NR6A1: variants seen among roughly 807,000 people sequenced by gnomAD.
NR6A1 encodes the protein retinoic acid receptor-related testis-associated receptor.
NR6A1 carries 7 observed loss-of-function variants against 59.1 expected under a neutral mutation model. The observed-to-expected ratio is 0.12, with a 90% CI of 0.07 to 0.22. NR6A1 has a LOEUF of 0.22. Among genes scored for constraint, NR6A1 ranks in the 10% least tolerant of loss-of-function variants. The pLI is 1.00. For synonymous variants in NR6A1, 243 were observed against 236.1 expected (o/e 1.03, Z -0.27); for missense variants, 468 against 611.6 (o/e 0.77, Z 2.48).
intron 2 of NR6A1, among the ~76,000 whole-genome samples, chr9:124,647,044 A>T (rs931610988): frequency 6.6e-6 from 1 of 152,166 alleles, no homozygotes; most frequent in Non-Finnish European, 1.5e-5. Context: ...TCTTCCCAGT[A>T]GCTAGGACTA....
chr9:124,615,632 T>A (rs1327326166), intron 2 of NR6A1, among the ~76,000 whole-genome samples: 2 of 152,042 alleles, frequency 1.3e-5, no homozygotes, highest in East Asian at 3.8e-4. Flanking sequence ...GCCTTTTTTT[T>A]TTTCCCAGAA....
chr9:124,683,726 G>A lies in NR6A1; in HGVS notation c.142+49582C>T, dbSNP rs555695164. 5.8e-4 allele frequency among the ~76,000 whole-genome samples: 89 copies of A among 152,306 alleles called. No homozygotes were observed. The South Asian group carries it at 0.016, about 27-fold the overall frequency. On this transcript the variant is annotated intron_variant, in intron 2 of 9. Transcript: ENST00000487099. ...GAGAATCACTTGAACCCAGGAGGTGGAGGTTGCAGTGAGCCAAGATCGCAC... is the reference window on the plus strand; with the variant it reads ...GAGAATCACTTGAACCCAGGAGGTGAAGGTTGCAGTGAGCCAAGATCGCAC...
At position 124,659,148 on chromosome 9, in the gene NR6A1, C is replaced by T. The variant is rs537023231; in HGVS notation, c.142+74160G>A. Among the ~76,000 whole-genome samples, 300 of 152,208 alleles carry T rather than the reference C, an allele frequency of 2.0e-3. 1 individual carries two copies. The highest frequency in any genetic ancestry group is 3.5e-3 in the Non-Finnish European group (240 of 68,034). ...GGCCAAACACTTGTGCCGCCTGGGG[C>T]GGTGGGGGTAGAGGCAAGCATAGAC... On this transcript the variant is annotated intron_variant, in intron 2 of 9. Transcript: ENST00000487099.
intron 2 of NR6A1, among the ~76,000 whole-genome samples, chr9:124,683,318 T>C (rs539401063): frequency 5.3e-5 from 8 of 152,346 alleles, no homozygotes; most frequent in African/African-American, 1.2e-4. Context: ...ACTTCAATTT[T>C]ATGTTCTTTC....
At chr9:124,740,309 T>C (rs1030875428) in intron 1 of NR6A1, among the ~76,000 whole-genome samples, 2 of 152,218 alleles carry the variant, frequency 1.3e-5, no homozygotes, top group African/African-American at 4.8e-5. Flanking sequence ...GCTGAAACTA[T>C]AGTTTTTCAG....
At chr9:124,741,492 A>C (rs190414112) in intron 1 of NR6A1, among the ~76,000 whole-genome samples, 1 of 152,360 alleles carries the variant, frequency 6.6e-6, no homozygotes, top group Non-Finnish European at 1.5e-5. Flanking sequence ...GAGAATTAAT[A>C]GTCTCTAGGA....
intron 2 of NR6A1, among the ~76,000 whole-genome samples, chr9:124,729,890 G>A (rs905945347): frequency 2.0e-5 from 3 of 149,386 alleles, no homozygotes; most frequent in Non-Finnish European, 3.0e-5. Flanking sequence ...TCGGCTTACC[G>A]CAACCTCCAC....
At chr9:124,664,139 T>C (rs1450677399) in intron 2 of NR6A1, among the ~76,000 whole-genome samples, 1 of 152,216 alleles carries the variant, frequency 6.6e-6, no homozygotes, top group Non-Finnish European at 1.5e-5. Context: ...CTACTACATC[T>C]GTGGATTCAT....
chr9:124,529,104 G>A (rs566398468), intron 7 of NR6A1, among the ~76,000 whole-genome samples: 78 of 152,270 alleles, frequency 5.1e-4, no homozygotes, highest in African/African-American at 1.8e-3. Flanking sequence ...GGCTGACTCA[G>A]TTTCTCTCTA....
At chr9:124,645,022 C>T (rs1836891541) in intron 2 of NR6A1, among the ~76,000 whole-genome samples, 1 of 152,186 alleles carries the variant, frequency 6.6e-6, no homozygotes, top group Non-Finnish European at 1.5e-5. Context: ...CGTACAACAT[C>T]AAGTGCAAAT....
intron 2 of NR6A1, among the ~76,000 whole-genome samples, chr9:124,583,378 G>A (rs528716309): frequency 1.3e-5 from 2 of 152,266 alleles, no homozygotes; most frequent in African/African-American, 2.4e-5. Context: ...TTTGTAACAA[G>A]GTTAAGTAAG....
intron 2 of NR6A1, among the ~76,000 whole-genome samples, chr9:124,579,153 T>A (rs1272903773): frequency 6.6e-6 from 1 of 152,234 alleles, no homozygotes; most frequent in Non-Finnish European, 1.5e-5. Flanking sequence ...CATGGTGGCA[T>A]GCACCTGTGG....
At chr9:124,705,767 C>T (rs745728269) in intron 2 of NR6A1, among the ~76,000 whole-genome samples, 9 of 142,072 alleles carry the variant, frequency 6.3e-5, no homozygotes, top group Non-Finnish European at 1.5e-5. Flanking sequence ...TTAGGGTACA[C>T]CATTTCAATC....
At chr9:124,754,778 G>T (rs1033955944) in intron 1 of NR6A1, among the ~76,000 whole-genome samples, 1 of 152,068 alleles carries the variant, frequency 6.6e-6, no homozygotes, top group East Asian at 1.9e-4. Context: ...CTATGAGATC[G>T]ATGATATTAA....
At chr9:124,751,419 T>C (rs921922396) in intron 1 of NR6A1, among the ~76,000 whole-genome samples, 8 of 152,228 alleles carry the variant, frequency 5.3e-5, no homozygotes, top group Non-Finnish European at 1.5e-5. Context: ...AGAGCACATA[T>C]GAGCTTGACA....
intron 2 of NR6A1, among the ~76,000 whole-genome samples, chr9:124,612,948 T>C (rs542209889): frequency 1.4e-4 from 21 of 152,238 alleles, no homozygotes; most frequent in African/African-American, 4.3e-4. Flanking sequence ...CCATTTAATA[T>C]AGCAGTTCTA....
At chr9:124,604,044 G>A (rs1005694043) in intron 2 of NR6A1, among the ~76,000 whole-genome samples, 2 of 152,140 alleles carry the variant, frequency 1.3e-5, no homozygotes, top group African/African-American at 4.8e-5. Flanking sequence ...GGACAATGAG[G>A]GCTTACGCAG....
intron 2 of NR6A1, among the ~76,000 whole-genome samples, 189 bp downstream of exon 2, chr9:124,733,119 T>C (rs939354875): frequency 6.6e-6 from 1 of 152,186 alleles, no homozygotes; most frequent in Non-Finnish European, 1.5e-5. Flanking sequence ...TCCTGGCCAC[T>C]GAATAATATC....
rs530531292 is a variant in NR6A1 at position 124,527,456 on chromosome 9, T to C, written c.1080-556A>G. Among the ~76,000 whole-genome samples, 95 of 152,330 alleles carry C rather than the reference T, an allele frequency of 6.2e-4. 1 individual carries two copies. The South Asian group carries it at 0.018, about 29-fold the overall frequency. ...AAAATTTTTATTGGCATCCCTGACT[T>C]TGGCAGGAGGGAGGAAAACGTTAAC... is the stretch of plus-strand genomic sequence containing the variant. On this transcript the variant is annotated intron_variant, in intron 7 of 9. Coordinates refer to ENST00000487099, the MANE Select transcript of NR6A1 (RefSeq NM_033334.4).
Sources: gnomAD v4.1 joint callset for allele counts (sites outside exome capture counted in the v4.1 genomes callset) on GRCh38, gnomAD v4.1.1 for gene constraint, MANE v1.5 for transcripts, NCBI Gene and HGNC (gene_info 2026-07-23, HGNC 2026-07-21) for gene names.